PTPRG: variants seen among roughly 807,000 people sequenced by gnomAD.
The protein encoded by PTPRG is protein tyrosine phosphatase receptor type G, also known as receptor-type tyrosine-protein phosphatase gamma.
A neutral mutation model predicts 165.3 loss-of-function variants in PTPRG; 102 were observed. That is an observed-to-expected ratio of 0.62 (90% CI 0.53 to 0.73). PTPRG has a LOEUF of 0.73. PTPRG is among the 30% of genes least tolerant of loss of function. The pLI is 0.00. For missense variants in PTPRG, 1,866 were observed against 1,861.4 expected (o/e 1.00, Z -0.05); for synonymous variants, 675 against 669.5 (o/e 1.01, Z -0.13).
At chr3:61,767,239 TCAA>T (rs1183109731) in intron 2 of PTPRG, among the ~76,000 whole-genome samples, 2 of 73,098 alleles carry the variant, frequency 2.7e-5, no homozygotes, top group African/African-American at 4.9e-5. Flanking sequence ...AGATTCCATC[TCAA>T]AAAAAAAAAA....
chr3:61,726,627 C>A (rs1288491936), intron 1 of PTPRG, among the ~76,000 whole-genome samples: 1 of 152,164 alleles, frequency 6.6e-6, no homozygotes, highest in Non-Finnish European at 1.5e-5. Context: ...CCCTAAATTG[C>A]CTGTTTCGAT....
intron 5 of PTPRG, among the ~76,000 whole-genome samples, chr3:62,128,389 A>T (rs1009433595): frequency 6.6e-6 from 1 of 152,180 alleles, no homozygotes; most frequent in African/African-American, 2.4e-5. Context: ...ATATTACAAA[A>T]TTGAGTGGAT....
intron 2 of PTPRG, among the ~76,000 whole-genome samples, chr3:61,825,442 A>G (rs920213703): frequency 1.3e-5 from 2 of 152,220 alleles, no homozygotes; most frequent in Non-Finnish European, 2.9e-5. Context: ...AAAGAGGGAA[A>G]AGTGGAAACA....
chr3:62,263,839 T>TC (rs1246821971), intron 17 of PTPRG: 1 of 152,142 alleles, frequency 6.6e-6, no homozygotes, highest in Non-Finnish European at 1.5e-5. Context: ...ATGGTGAAAC[T>TC]CTGTCTCTAC....
intron 1 of PTPRG, among the ~76,000 whole-genome samples, chr3:61,696,574 C>A (rs2030611263): frequency 6.6e-6 from 1 of 152,202 alleles, no homozygotes; most frequent in Non-Finnish European, 1.5e-5. Flanking sequence ...GTTTTATAAT[C>A]CTTTCTCACT....
intron 3 of PTPRG, among the ~76,000 whole-genome samples, chr3:61,994,324 A>AT (rs1254378591): frequency 6.6e-6 from 1 of 152,030 alleles, no homozygotes. Context: ...TTTTTATTTT[A>AT]TTTTTTTAAA....
At chr3:62,003,909 A>G (rs1241328625) in intron 4 of PTPRG, among the ~76,000 whole-genome samples, 1 of 152,164 alleles carries the variant, frequency 6.6e-6, no homozygotes, top group Admixed American at 6.5e-5. Flanking sequence ...CTTGGTAGCA[A>G]AGTTTTAAGT....
intron 4 of PTPRG, among the ~76,000 whole-genome samples, chr3:62,024,619 C>G (rs774065016): frequency 2.6e-5 from 4 of 152,174 alleles, no homozygotes; most frequent in Non-Finnish European, 5.9e-5. Flanking sequence ...AGTTTATTCC[C>G]TTCTCTGTAG....
At chr3:62,001,228 G>A (rs1053189514) in intron 3 of PTPRG, among the ~76,000 whole-genome samples, 2 of 152,222 alleles carry the variant, frequency 1.3e-5, no homozygotes, top group East Asian at 1.9e-4. Context: ...GTAACATGCT[G>A]TGTGCTCTGG....
intron 5 of PTPRG, among the ~76,000 whole-genome samples, chr3:62,109,008 G>C (rs1702573638): frequency 6.6e-6 from 1 of 151,898 alleles, no homozygotes; most frequent in African/African-American, 2.4e-5. Flanking sequence ...TGTTCACCCT[G>C]ATGATAGTTT....
chr3:61,982,327 A>C (rs2040659866), intron 2 of PTPRG, among the ~76,000 whole-genome samples: 1 of 152,224 alleles, frequency 6.6e-6, no homozygotes, highest in South Asian at 2.1e-4. Context: ...TAAAGCTGGT[A>C]CAACTTTAAG....
intron 4 of PTPRG, among the ~76,000 whole-genome samples, chr3:62,076,274 G>A (rs1033840843): frequency 2.6e-5 from 4 of 152,050 alleles, no homozygotes; most frequent in African/African-American, 9.7e-5. Context: ...GTGACAAAAT[G>A]AGACCCTATC....
At chr3:61,598,103 A>G (rs1559518009) in intron 1 of PTPRG, among the ~76,000 whole-genome samples, 1 of 152,230 alleles carries the variant, frequency 6.6e-6, no homozygotes, top group African/African-American at 2.4e-5. Context: ...GACCGGTCTC[A>G]GTGGTAACAA....
chr3:61,620,020 C>G (rs1486874753), intron 1 of PTPRG, among the ~76,000 whole-genome samples: 1 of 152,138 alleles, frequency 6.6e-6, no homozygotes, highest in Admixed American at 6.5e-5. Flanking sequence ...TGTAGAGCCA[C>G]TACTGCTTCA....
chr3:61,656,603 A>G (rs1046197930), intron 1 of PTPRG, among the ~76,000 whole-genome samples: 15 of 152,122 alleles, frequency 9.9e-5, no homozygotes, highest in African/African-American at 3.6e-4. Flanking sequence ...CTCCAAGCGT[A>G]TTCTTGGTTC....
rs1394405154 is a variant in PTPRG at position 61,662,531 on chromosome 3, C to T, written c.86-86347C>T. ...CTAAACTGCTCTTACATCCATGCCC[C>T]ACAGAGCCTATGAGATGATAAATGT... is the stretch of plus-strand genomic sequence containing the variant. On this transcript the variant is annotated intron_variant, in intron 1 of 29. Coordinates refer to ENST00000474889, the MANE Select transcript of PTPRG (RefSeq NM_002841.4). Among the ~76,000 whole-genome samples the T allele has an allele frequency of 2.0e-5, 3 of 152,336 alleles. No homozygotes were observed. In the East Asian group the frequency reaches 5.8e-4, roughly 29 times the overall value.
In PTPRG at chr3:62,157,231, A is replaced by T. The variant is rs369072951; in HGVS notation, c.840+7A>T. 15 of 1,610,912 alleles carry T rather than the reference A, an allele frequency of 9.3e-6. No individual in the cohort carries two copies. The African/African-American group carries it at 1.7e-4, about 19-fold the overall frequency. On this transcript the variant is annotated splice_region_variant and intron_variant, in intron 7 of 29. Coordinates refer to ENST00000474889, the MANE Select transcript of PTPRG (RefSeq NM_002841.4). Reference sequence around the variant, plus strand: ...CCCCATCTCTTACCATCAGGTAGATATTCTTCCTCAAGTGGGGTTTCTGTG... The same window carrying T: ...CCCCATCTCTTACCATCAGGTAGATTTTCTTCCTCAAGTGGGGTTTCTGTG...
chr3:62,282,799 A>G lies in PTPRG; in HGVS notation c.3985A>G (p.Thr1329Ala). 2 of 1,612,418 alleles carry G rather than the reference A, an allele frequency of 1.2e-6. No homozygotes were observed. The highest frequency in any genetic ancestry group is 1.7e-6 in the Non-Finnish European group (2 of 1,178,952). Residue 1329 changes from threonine to alanine, a missense_variant, in exon 28 of 30, where the codon ACC becomes GCC. Coordinates refer to ENST00000474889, the MANE Select transcript of PTPRG (RefSeq NM_002841.4). ...TAACCCAGATGCCCCCATAAGTAGT[A>G]CCTTTGAACTTATCAACGTCATCAA... is the stretch of plus-strand genomic sequence containing the variant. ...WPNPDAPISS[T>A]FELINVIKEE... is the part of the protein sequence containing the mutation.
At chr3:61,918,362 G>A (rs1489194818) in intron 2 of PTPRG, among the ~76,000 whole-genome samples, 4 of 151,038 alleles carry the variant, frequency 2.6e-5, no homozygotes, top group East Asian at 3.9e-4. Flanking sequence ...TGGGAAATAT[G>A]TATATATATA....
Sources: gnomAD v4.1 joint callset for allele counts (sites outside exome capture counted in the v4.1 genomes callset) on GRCh38, gnomAD v4.1.1 for gene constraint, MANE v1.5 for transcripts, NCBI Gene and HGNC (gene_info 2026-07-23, HGNC 2026-07-21) for gene names.